The following SLC6A11 variants were observed in gnomAD, a reference collection of about 807,000 sequenced individuals.
SLC6A11 encodes the protein solute carrier family 6 member 11, also known as sodium- and chloride-dependent GABA transporter 3.
In SLC6A11, 25 loss-of-function variants were observed where a neutral mutation model predicts 74.8. The observed-to-expected ratio is 0.33, with a 90% confidence interval of 0.24 to 0.47. SLC6A11 has a LOEUF of 0.47. Among genes scored for constraint, SLC6A11 ranks in the 20% least tolerant of loss-of-function variants. The pLI is 1.00. For synonymous variants in SLC6A11, 330 were observed against 330.2 expected (o/e 1.00, Z 0.01); for missense variants, 574 against 837.0 (o/e 0.69, Z 3.88).
chr3:10,864,021 G>A (rs1694735099), intron 5 of SLC6A11, among the ~76,000 whole-genome samples: 1 of 152,108 alleles, frequency 6.6e-6, no homozygotes, highest in African/African-American at 2.4e-5. Context: ...ATTGGATAAT[G>A]TAAGAATAAG....
intron 10 of SLC6A11, among the ~76,000 whole-genome samples, chr3:10,932,741 G>A (rs2697159): frequency 0.48 from 73,688 of 151,934 alleles, 19,172 homozygotes; most frequent in East Asian, 0.73. Flanking sequence ...GGTTGGATTT[G>A]CACGTTTCAG....
intron 3 of SLC6A11, 111 bp from the exon 4 acceptor site, chr3:10,823,191 T>C (rs893529620): frequency 4.1e-6 from 3 of 728,312 alleles, no homozygotes; most frequent in Non-Finnish European, 7.4e-6. Context: ...CATGTTTACC[T>C]GGAGTGGGTA....
intron 5 of SLC6A11, among the ~76,000 whole-genome samples, chr3:10,847,236 G>A (rs1289064999): frequency 6.6e-6 from 1 of 152,292 alleles, no homozygotes; most frequent in East Asian, 1.9e-4. Flanking sequence ...TACAGTCTAT[G>A]TCCTGGATAG....
At chr3:10,855,564 G>A (rs968941182) in intron 5 of SLC6A11, among the ~76,000 whole-genome samples, 1 of 152,198 alleles carries the variant, frequency 6.6e-6, no homozygotes, top group African/African-American at 2.4e-5. Context: ...TGTCAAGCTT[G>A]TGGGTCCAGG....
chr3:10,857,183 G>A (rs760816708), intron 5 of SLC6A11, among the ~76,000 whole-genome samples: 18 of 152,116 alleles, frequency 1.2e-4, no homozygotes, highest in African/African-American at 3.1e-4. Flanking sequence ...ATAGTGGCCC[G>A]GGGTGGTCTG....
In SLC6A11 at chr3:10,939,154, C is replaced by G. The variant is rs966816689; in HGVS notation, c.*752C>G. 1.3e-5 allele frequency: 2 copies of G among 152,266 alleles called. No individual in the cohort carries two copies. Among genetic ancestry groups the G allele is most frequent in the African/African-American group, 4.8e-5 (2 of 41,444 alleles). The allele number at this position is 152,266 out of a possible 1,614,324, so 9.4% of individuals were successfully genotyped here. A position where few individuals can be genotyped will look rare whatever the true frequency, so the allele number is the denominator to read the frequency against. On this transcript the variant is annotated 3_prime_UTR_variant, in exon 14 of 14. Transcript: ENST00000254488. Reference sequence around the variant, plus strand: ...ACTTGCAGGCAATAATCTCCGCCCTCCCAGTTGTACCTCCTCCCCACCTGC... The same window carrying G: ...ACTTGCAGGCAATAATCTCCGCCCTGCCAGTTGTACCTCCTCCCCACCTGC...
chr3:10,816,403 G>A lies in SLC6A11; in HGVS notation c.138G>A (p.Ala46=). 6.3e-7 allele frequency: 1 copy of A among 1,580,462 alleles called. No individual in the cohort carries two copies. The highest frequency in any genetic ancestry group is 8.6e-7 in the Non-Finnish European group (1 of 1,164,514). Residue 46 remains alanine, a synonymous_variant, in exon 1 of 14, where the codon GCG becomes GCA. Transcript: ENST00000254488. This position sits in a 1 kb window ranked among gnomAD's most constrained non-coding sequence, Gnocchi z 4.2. The stretch of plus-strand genomic sequence containing the variant: ...ACCCGCGCGTCAAGCGCGACAAGGC[G>A]GTCCACGAGCGCGGCCACTGGAACA... ...ARHPRVKRDK[A]VHERGHWNNK...
At chr3:10,859,354 C>T (rs879667519) in intron 5 of SLC6A11, among the ~76,000 whole-genome samples, 5 of 151,982 alleles carry the variant, frequency 3.3e-5, no homozygotes, top group Admixed American at 1.3e-4. Flanking sequence ...TGCTGGTAGG[C>T]GAAATGGAGA....
intron 4 of SLC6A11, among the ~76,000 whole-genome samples, chr3:10,835,176 G>C (rs1327968366): frequency 2.0e-5 from 3 of 152,254 alleles, no homozygotes; most frequent in South Asian, 2.1e-4. Context: ...CTGAGCTTTC[G>C]GCTGCTCCTT....
chr3:10,912,739 T>G (rs1393648226), intron 7 of SLC6A11, among the ~76,000 whole-genome samples: 1 of 152,152 alleles, frequency 6.6e-6, no homozygotes, highest in Non-Finnish European at 1.5e-5. Context: ...CTGCCTGGCC[T>G]CTCACACGTG....
intron 5 of SLC6A11, among the ~76,000 whole-genome samples, chr3:10,853,283 G>A (rs1452040213): frequency 2.4e-4 from 36 of 152,242 alleles, no homozygotes; most frequent in Non-Finnish European, 2.5e-4. Context: ...AAAGCTCAAA[G>A]GGGCATTTGA....
intron 6 of SLC6A11, among the ~76,000 whole-genome samples, chr3:10,882,631 G>A (rs1694995997): frequency 6.6e-6 from 1 of 152,228 alleles, no homozygotes; most frequent in African/African-American, 2.4e-5. Flanking sequence ...ACAAAGGAAG[G>A]AAGGAAAGAC....
At chr3:10,892,616 TATG>T (rs1367693599) in intron 6 of SLC6A11, among the ~76,000 whole-genome samples, 2 of 152,032 alleles carry the variant, frequency 1.3e-5, no homozygotes, top group African/African-American at 4.8e-5. Context: ...TTTTCCCCCT[TATG>T]ATCCACCAGC....
chr3:10,929,228 C>T lies in SLC6A11; in HGVS notation c.1260C>T (p.Thr420=), dbSNP rs576811605. ...TTGTGTGTGTGGAAAGCCTGGTGAC[C>T]GCCGTGGTGGACATGTACCCCAAGG... The part of the protein sequence containing the change: ...SQFVCVESLV[T]AVVDMYPKVF... The change falls in exon 10 of 14, where the codon ACC becomes ACT. Residue 420 remains threonine, a synonymous_variant. Coordinates refer to ENST00000254488, the MANE Select transcript of SLC6A11 (RefSeq NM_014229.3). 6.2e-6 allele frequency: 10 copies of T among 1,614,088 alleles called. No homozygotes were observed. The highest frequency in any genetic ancestry group is 1.1e-5 in the South Asian group (1 of 91,060).
At chr3:10,893,922 G>A (rs1249605418) in intron 6 of SLC6A11, among the ~76,000 whole-genome samples, 1 of 152,114 alleles carries the variant, frequency 6.6e-6, no homozygotes, top group Non-Finnish European at 1.5e-5. Flanking sequence ...ATTTTTACCT[G>A]ATCATTCTTA....
intron 5 of SLC6A11, among the ~76,000 whole-genome samples, chr3:10,863,215 G>A (rs1469022238): frequency 6.6e-6 from 1 of 152,332 alleles, no homozygotes; most frequent in South Asian, 2.1e-4. Context: ...ACAGCTGACT[G>A]TATTACAAGG....
chr3:10,920,907 A>C (rs1232885878), intron 8 of SLC6A11, among the ~76,000 whole-genome samples: 2 of 152,268 alleles, frequency 1.3e-5, no homozygotes, highest in East Asian at 1.9e-4. Flanking sequence ...CCTCTTTAGG[A>C]GTCTGCCAAT....
At chr3:10,869,438 G>A (rs960088454) in intron 5 of SLC6A11, among the ~76,000 whole-genome samples, 2 of 152,254 alleles carry the variant, frequency 1.3e-5, no homozygotes, top group Non-Finnish European at 2.9e-5. Context: ...TCAACTGGAG[G>A]GCAGGGCCCT....
At chr3:10,932,816 G>C (rs902820981) in intron 10 of SLC6A11, among the ~76,000 whole-genome samples, 1 of 152,138 alleles carries the variant, frequency 6.6e-6, no homozygotes, top group South Asian at 2.1e-4. Context: ...AGGCAGGGAG[G>C]CCAGTCAGGA....
Sources: gnomAD v4.1 joint callset for allele counts (sites outside exome capture counted in the v4.1 genomes callset) on GRCh38, gnomAD v4.1.1 for gene constraint, Gnocchi (gnomAD v3.1) non-coding constraint, MANE v1.5 for transcripts, NCBI Gene and HGNC (gene_info 2026-07-23, HGNC 2026-07-21) for gene names.